Variants in COL28A1 observed in about 807,000 individuals in gnomAD.
COL28A1 encodes the protein collagen type XXVIII alpha 1 chain, also known as collagen alpha-1(XXVIII) chain.
A neutral mutation model predicts 150.2 loss-of-function variants in COL28A1; 161 were observed. That is an observed-to-expected ratio of 1.07 (90% CI 0.94 to 1.22). COL28A1 has a LOEUF of 1.22. Ranked by LOEUF, COL28A1 falls within the 50% of genes most tolerant of loss-of-function variation. The probability of loss-of-function intolerance (pLI) is 0.00; values close to 1 mark genes in which losing one functional copy is unlikely to be tolerated. For missense variants in COL28A1, 1,617 were observed against 1,388.3 expected (o/e 1.16, Z -2.62); for synonymous variants, 552 against 469.7 (o/e 1.18, Z -2.26).
chr7:7,505,325 T>C (rs1444796322), intron 11 of COL28A1, among the ~76,000 whole-genome samples: 3 of 152,200 alleles, frequency 2.0e-5, no homozygotes, highest in South Asian at 4.1e-4. Context: ...CGACACCATT[T>C]ACTGGATATT....
chr7:7,434,430 C>T (rs1196685423), intron 23 of COL28A1, among the ~76,000 whole-genome samples: 1 of 152,166 alleles, frequency 6.6e-6, no homozygotes, highest in Non-Finnish European at 1.5e-5. Context: ...TTCCACTTAT[C>T]TCCATGTTTA....
intron 11 of COL28A1, among the ~76,000 whole-genome samples, chr7:7,496,909 T>A (rs1455495555): frequency 1.3e-5 from 2 of 152,130 alleles, no homozygotes; most frequent in Non-Finnish European, 2.9e-5. Context: ...GATGAACATT[T>A]TGTAGGTGCA....
At chr7:7,459,750 C>G (rs138761643) in intron 15 of COL28A1, among the ~76,000 whole-genome samples, 2 of 152,140 alleles carry the variant, frequency 1.3e-5, no homozygotes, top group Non-Finnish European at 1.5e-5. Flanking sequence ...TCCCTAACAA[C>G]GAGGAGCTGA....
chr7:7,383,109 G>C (rs1325465297), intron 27 of COL28A1, among the ~76,000 whole-genome samples: 1 of 152,002 alleles, frequency 6.6e-6, no homozygotes, highest in East Asian at 1.9e-4. Flanking sequence ...AAATAAAACA[G>C]ATACAATTCA....
chr7:7,452,631 T>C (rs1378422348), intron 17 of COL28A1, among the ~76,000 whole-genome samples: 1 of 152,232 alleles, frequency 6.6e-6, no homozygotes, highest in Non-Finnish European at 1.5e-5. Context: ...CATAGCATAT[T>C]CAAAATTGAT....
At chr7:7,394,918 A>C (rs1218304218) in intron 27 of COL28A1, among the ~76,000 whole-genome samples, 1 of 152,230 alleles carries the variant, frequency 6.6e-6, no homozygotes, top group Admixed American at 6.5e-5. Flanking sequence ...GTTCACTCTT[A>C]AGGAGAAAAA....
chr7:7,511,119 C>T lies in COL28A1; in HGVS notation c.899G>A (p.Cys300Tyr). 1.9e-6 allele frequency: 3 copies of T among 1,612,976 alleles called. No individual in the cohort carries two copies. The African/African-American group carries it at 4.0e-5, about 21-fold the overall frequency. The change falls in exon 9 of 35, where the codon TGT (cysteine) becomes TAT (tyrosine). Residue 300 changes from cysteine (C) to tyrosine (Y), a missense_variant. By Grantham distance (194) the Cys-to-Tyr change is radical (BLOSUM62 -2). Transcript: ENST00000399429. Reference sequence around the variant, plus strand: ...GTCACCTTTTATCCCTGGTTTACCACATTCCCCACGTTCACCCTAAAAAAT... The same window carrying T: ...GTCACCTTTTATCCCTGGTTTACCATATTCCCCACGTTCACCCTAAAAAAT... Reference protein sequence around the residue: ...YKGDKGERGECGKPGIKGDKG... With the variant: ...YKGDKGERGEYGKPGIKGDKG...
At position 7,414,192 on chromosome 7, in the gene COL28A1, C is replaced by T. The variant is rs144867357; in HGVS notation, c.2136+3667G>A. ...CTACTTGGCATATAAAGGAATTCCT[C>T]CAGGTCCAGACCCATTCCTTCTCCC... On this transcript the variant is annotated intron_variant, in intron 27 of 34. Transcript: ENST00000399429. 1.7e-3 allele frequency among the ~76,000 whole-genome samples: 261 copies of T among 152,332 alleles called. 2 individuals carry two copies. The highest frequency in any genetic ancestry group is 6.8e-3 in the Middle Eastern group (2 of 294).
At chr7:7,444,382 G>A in intron 19 of COL28A1, 36 bp downstream of exon 19, 1 of 1,612,068 alleles carries the variant, frequency 6.2e-7, no homozygotes, top group African/African-American at 1.3e-5. Context: ...TGGTTCAACA[G>A]TTCCTACTCC....
chr7:7,382,310 CA>C (rs558127821), intron 27 of COL28A1, among the ~76,000 whole-genome samples: 24 of 136,878 alleles, frequency 1.8e-4, no homozygotes, highest in East Asian at 4.2e-4. Flanking sequence ...AACTCTATCT[CA>C]AAAAAAAAAA....
At chr7:7,388,950 T>A (rs972079087) in intron 27 of COL28A1, among the ~76,000 whole-genome samples, 1 of 152,220 alleles carries the variant, frequency 6.6e-6, no homozygotes, top group African/African-American at 2.4e-5. Context: ...GTAGGTTGCC[T>A]GTTCACTCTG....
At chr7:7,473,579 T>A (rs1788612472) in intron 15 of COL28A1, among the ~76,000 whole-genome samples, 1 of 152,142 alleles carries the variant, frequency 6.6e-6, no homozygotes, top group Non-Finnish European at 1.5e-5. Flanking sequence ...CACTTCTGCC[T>A]TGCTGGTGGG....
intron 12 of COL28A1, among the ~76,000 whole-genome samples, chr7:7,489,869 C>T (rs1442840728): frequency 6.6e-6 from 1 of 151,654 alleles, no homozygotes; most frequent in African/African-American, 2.4e-5. Flanking sequence ...TCTTTTCAGA[C>T]TTCATCTCCT....
chr7:7,441,524 GAAA>G (rs55984344), intron 20 of COL28A1, among the ~76,000 whole-genome samples: 7,920 of 139,114 alleles, frequency 0.057, 724 homozygotes, highest in African/African-American at 0.2. Context: ...CTCAACAAAC[GAAA>G]AAAAAAAAAA....
At chr7:7,411,732 A>C (rs922273625) in intron 27 of COL28A1, among the ~76,000 whole-genome samples, 2 of 152,158 alleles carry the variant, frequency 1.3e-5, no homozygotes, top group African/African-American at 4.8e-5. Context: ...TCTACTGACA[A>C]TTTCTAAGTC....
chr7:7,522,194 C>A, intron 4 of COL28A1: 2 of 538,400 alleles, frequency 3.7e-6, no homozygotes, highest in Non-Finnish European at 6.7e-6. Context: ...TTATACCTAC[C>A]AAGAGCTAGC....
the COL28A1 span, among the ~76,000 whole-genome samples, chr7:7,349,066 T>C: frequency 6.6e-4 from 100 of 152,248 alleles, 3 homozygotes; most frequent in South Asian, 0.019. Flanking sequence ...ATATGTTGTG[T>C]CCTTCTTTTC....
At chr7:7,518,996 A>C (rs1781564664) in intron 6 of COL28A1, among the ~76,000 whole-genome samples, 1 of 152,222 alleles carries the variant, frequency 6.6e-6, no homozygotes, top group Admixed American at 6.5e-5. Context: ...TGTCCATTAC[A>C]TTTGATGCAA....
chr7:7,486,367 G>A (rs900304352), intron 13 of COL28A1, among the ~76,000 whole-genome samples: 3 of 152,022 alleles, frequency 2.0e-5, no homozygotes, highest in East Asian at 3.8e-4. Context: ...TTTCTATGGA[G>A]GCCATCATAT....
Sources: gnomAD v4.1 joint callset for allele counts (sites outside exome capture counted in the v4.1 genomes callset) on GRCh38, gnomAD v4.1.1 for gene constraint, MANE v1.5 for transcripts, NCBI Gene and HGNC (gene_info 2026-07-23, HGNC 2026-07-21) for gene names.